PLEKHA5: variants seen among roughly 807,000 people sequenced by gnomAD.
PLEKHA5 encodes pleckstrin homology domain-containing family A member 5.
PLEKHA5 carries 55 observed loss-of-function variants against 181.9 expected under a neutral mutation model. That is an observed-to-expected ratio of 0.30 (90% CI 0.24 to 0.38). PLEKHA5 has a LOEUF of 0.38. Among genes scored for constraint, PLEKHA5 ranks in the 10% least tolerant of loss-of-function variants. The probability of loss-of-function intolerance (pLI) is 1.00; values close to 1 mark genes in which losing one functional copy is unlikely to be tolerated. For missense variants in PLEKHA5, 1,432 were observed against 1,549.5 expected, an observed-to-expected ratio of 0.92 and a Z score of 1.27; for synonymous variants, 535 against 529.4, an observed-to-expected ratio of 1.01 and a Z score of -0.15.
intron 29 of PLEKHA5, among the ~76,000 whole-genome samples, chr12:19,365,156 G>A (rs1277286796): frequency 6.6e-6 from 1 of 151,990 alleles, no homozygotes; most frequent in Non-Finnish European, 1.5e-5. Flanking sequence ...CAGATCAAGA[G>A]GTCAGGAGAT....
chr12:19,323,880 A>G (rs901938140), intron 20 of PLEKHA5, among the ~76,000 whole-genome samples: 23 of 151,988 alleles, frequency 1.5e-4, no homozygotes, highest in Non-Finnish European at 8.8e-5. Context: ...TCATATAACT[A>G]TGACTGTGAG....
chr12:19,262,886 C>CA (rs912300666), intron 7 of PLEKHA5, among the ~76,000 whole-genome samples: 3 of 152,070 alleles, frequency 2.0e-5, no homozygotes, highest in Non-Finnish European at 2.9e-5. Flanking sequence ...GTTGGAAAAA[C>CA]AAACAAACAA....
At chr12:19,248,001 G>A (rs2064220720) in intron 3 of PLEKHA5, among the ~76,000 whole-genome samples, 1 of 151,702 alleles carries the variant, frequency 6.6e-6, no homozygotes, top group Non-Finnish European at 1.5e-5. Flanking sequence ...GGTAATCATA[G>A]CTCACTGCAG....
At chr12:19,292,200 G>T (rs950100104) in intron 15 of PLEKHA5, among the ~76,000 whole-genome samples, 2 of 151,634 alleles carry the variant, frequency 1.3e-5, no homozygotes, top group African/African-American at 4.8e-5. Flanking sequence ...GAGGCCAGGA[G>T]TTCGAGACGA....
chr12:19,257,579 A>G (rs1220366216), intron 6 of PLEKHA5, 42 bp downstream of exon 6: 1 of 1,037,514 alleles, frequency 9.6e-7, no homozygotes, highest in Admixed American at 2.0e-5. Flanking sequence ...ACAGAATTAG[A>G]AGGAACCTTT....
chr12:19,242,558 G>A (rs374220962), intron 3 of PLEKHA5, among the ~76,000 whole-genome samples: 2 of 152,248 alleles, frequency 1.3e-5, no homozygotes, highest in South Asian at 2.1e-4. Flanking sequence ...TAGATTCTCA[G>A]TGTGTATGCT....
At chr12:19,363,540 G>A (rs1353168869) in intron 29 of PLEKHA5, among the ~76,000 whole-genome samples, 3 of 150,480 alleles carry the variant, frequency 2.0e-5, no homozygotes, top group African/African-American at 7.4e-5. Context: ...CACCCAGGCT[G>A]GAGTGCAGTA....
intron 3 of PLEKHA5, among the ~76,000 whole-genome samples, chr12:19,216,527 G>A (rs111547421): frequency 1.4e-4 from 21 of 152,206 alleles, no homozygotes; most frequent in African/African-American, 5.1e-4. Flanking sequence ...GCCAGGCGTG[G>A]TAGCAGGCAC....
intron 3 of PLEKHA5, among the ~76,000 whole-genome samples, chr12:19,161,498 C>T (rs2042956510): frequency 6.6e-6 from 1 of 152,258 alleles, no homozygotes; most frequent in South Asian, 2.1e-4. Context: ...ATCAGCACCC[C>T]TCTCCCACCC....
At chr12:19,372,306 G>A (rs1434677034) in intron 31 of PLEKHA5, 1 of 152,020 alleles carries the variant, frequency 6.6e-6, no homozygotes, top group Non-Finnish European at 1.5e-5. Context: ...GGCCATTCTT[G>A]CAGGAATAAG....
intron 29 of PLEKHA5, among the ~76,000 whole-genome samples, chr12:19,363,496 C>G (rs1044766106): frequency 1.4e-5 from 2 of 138,346 alleles, no homozygotes; most frequent in African/African-American, 5.3e-5. Flanking sequence ...AACTAGCCTT[C>G]TTTTTTTTTT....
At chr12:19,246,908 A>C (rs1011822075) in intron 3 of PLEKHA5, among the ~76,000 whole-genome samples, 1 of 152,080 alleles carries the variant, frequency 6.6e-6, no homozygotes, top group African/African-American at 2.4e-5. Flanking sequence ...CCTCACTTTT[A>C]TGGGCTTTTA....
chr12:19,294,615 G>A (rs2079290684), intron 15 of PLEKHA5, among the ~76,000 whole-genome samples: 1 of 152,024 alleles, frequency 6.6e-6, no homozygotes, highest in African/African-American at 2.4e-5. Flanking sequence ...CCCTTGTGAG[G>A]TATTACAATA....
rs3056412 is a variant in PLEKHA5 at position 19,197,676 on chromosome 12, C to CTGTGTGTG, written c.228-56214_228-56207dup. Among the ~76,000 whole-genome samples, 258 of 111,014 alleles carry CTGTGTGTG rather than the reference C, an allele frequency of 2.3e-3. 3 individuals are homozygous for CTGTGTGTG. The highest frequency in any genetic ancestry group is 3.2e-3 in the East Asian group (11 of 3,386). 72.8% of individuals were successfully genotyped at this position (111,014 alleles called of 152,430 possible). ...TTGAAGTCACAGAGTCTATCCGGTGCTGTGTGTGTGTGTGTGTGTGTGTGT... is the reference window on the plus strand; with the variant it reads ...TTGAAGTCACAGAGTCTATCCGGTGCTGTGTGTGTGTGTGTGTGTGTGTGTGTGTGTGT... On this transcript the variant is annotated intron_variant, in intron 3 of 31. Transcript: ENST00000429027.
At chr12:19,264,581 C>T (rs906271041) in intron 7 of PLEKHA5, among the ~76,000 whole-genome samples, 4 of 152,096 alleles carry the variant, frequency 2.6e-5, no homozygotes, top group African/African-American at 7.2e-5. Context: ...TCTGTACTTC[C>T]GTTCATCCTT....
rs547580954 is a variant in PLEKHA5, at chr12:19,195,530, C to T, written c.228-58410C>T. Among the ~76,000 whole-genome samples the T allele has an allele frequency of 2.5e-4, 38 of 151,696 alleles. 1 individual carries two copies. The highest frequency in any genetic ancestry group is 7.2e-4 in the Admixed American group (11 of 15,238). On this transcript the variant is annotated intron_variant, in intron 3 of 31. Transcript: ENST00000429027. ...AAAAAAATACAAAAATTTAGCCGGG[C>T]GTGCTGGCACACACCTGTAGTCTCA...
chr12:19,244,422 C>T lies in PLEKHA5; in HGVS notation c.228-9518C>T, dbSNP rs117373737. On this transcript the variant is annotated intron_variant, in intron 3 of 31. Coordinates refer to ENST00000429027, the MANE Select transcript of PLEKHA5 (RefSeq NM_001256470.2). ...TCTTCATAGAGAAATACAGTAGCTT[C>T]CATAGTTTCCACACCTCTTCTGCCC... 1.4e-3 allele frequency among the ~76,000 whole-genome samples: 211 copies of T among 152,294 alleles called. 5 individuals carry two copies. The East Asian group carries it at 0.036, about 26-fold the overall frequency.
At chr12:19,308,228 GAT>G (rs1208808025) in intron 15 of PLEKHA5, among the ~76,000 whole-genome samples, 1 of 152,126 alleles carries the variant, frequency 6.6e-6, no homozygotes, top group Non-Finnish European at 1.5e-5. Flanking sequence ...AGAAGACATG[GAT>G]ATGAGTGACT....
Position 19,129,758 on chromosome 12 carries a change from G to T in PLEKHA5, c.-42G>T. 6.8e-7 allele frequency: 1 copy of T among 1,479,830 alleles called. No homozygotes were observed. The highest frequency in any genetic ancestry group is 9.3e-7 in the Non-Finnish European group (1 of 1,072,574). 91.7% of individuals were successfully genotyped at this position (1,479,830 alleles called of 1,614,324 possible). A position where few individuals can be genotyped will look rare whatever the true frequency, so the allele number is the denominator to read the frequency against. Reference sequence around the variant, plus strand: ...GTTCCCTCCTCCCTCGGCAGCCGCGGCGGCAGCAGGAGAAGGCGGCGGCGG... The same window carrying T: ...GTTCCCTCCTCCCTCGGCAGCCGCGTCGGCAGCAGGAGAAGGCGGCGGCGG... On this transcript the variant is annotated 5_prime_UTR_variant, in exon 1 of 32. Transcript: ENST00000429027.
Sources: allele counts gnomAD v4.1 joint callset (sites outside exome capture counted in the v4.1 genomes callset), GRCh38; gene constraint gnomAD v4.1.1; transcripts MANE v1.5; gene names NCBI Gene and HGNC (gene_info 2026-07-23, HGNC 2026-07-21).